FARP1: variants seen among roughly 807,000 people sequenced by gnomAD.
FARP1 encodes FERM, ARHGEF and pleckstrin domain-containing protein 1.
In FARP1, 52 loss-of-function variants were observed where a neutral mutation model predicts 128.8. The ratio of observed to expected loss-of-function variants is 0.40; its 90% CI spans 0.32 to 0.51. The LOEUF is 0.51. Ranked by LOEUF, FARP1 falls within the 20% of genes least tolerant of loss-of-function variation. The pLI is 0.45. For missense variants in FARP1, 1,333 were observed against 1,367.9 expected (o/e 0.97, Z 0.40); for synonymous variants, 580 against 551.8 (o/e 1.05, Z -0.72).
intron 2 of FARP1, among the ~76,000 whole-genome samples, chr13:98,236,763 G>A (rs994045756): frequency 6.6e-6 from 1 of 151,574 alleles, no homozygotes; most frequent in Admixed American, 6.6e-5. Flanking sequence ...GCCAAGGCAG[G>A]TGGGTCACGA....
chr13:98,187,975 A>G (rs1474866741), intron 1 of FARP1, among the ~76,000 whole-genome samples: 5 of 152,218 alleles, frequency 3.3e-5, no homozygotes, highest in Non-Finnish European at 5.9e-5. Flanking sequence ...AAAGAAAATG[A>G]AAGTCCTGAG....
intron 1 of FARP1, among the ~76,000 whole-genome samples, chr13:98,155,469 A>T (rs1274121247): frequency 6.6e-6 from 1 of 151,886 alleles, no homozygotes; most frequent in African/African-American, 2.4e-5. Flanking sequence ...TCCCAGAGTG[A>T]GTGAACCATG....
chr13:98,380,119 CTA>C (rs1889834585), intron 6 of FARP1, among the ~76,000 whole-genome samples: 2 of 152,092 alleles, frequency 1.3e-5, no homozygotes, highest in African/African-American at 4.8e-5. Context: ...TTCTTTCCTC[CTA>C]TGTTTTTTTC....
chr13:98,448,741 T>A lies in FARP1; in HGVS notation c.*424T>A, dbSNP rs1228001621. On this transcript the variant is annotated 3_prime_UTR_variant, in exon 27 of 27. Transcript: ENST00000319562. The stretch of plus-strand genomic sequence containing the variant: ...TTTTACGAAGTGGACTTCCCGGTGT[T>A]TGTTTGTTTGTTTGCAATACACTCA... 1 of 31,502 alleles carries A rather than the reference T, an allele frequency of 3.2e-5. No homozygotes were observed. The highest frequency in any genetic ancestry group is 1.3e-3 in the East Asian group (1 of 768). The allele number at this position is 31,502 out of a possible 1,614,324, so 2.0% of individuals were successfully genotyped here.
intron 1 of FARP1, among the ~76,000 whole-genome samples, chr13:98,171,181 T>C (rs990730231): frequency 1.3e-5 from 2 of 152,174 alleles, no homozygotes; most frequent in African/African-American, 4.8e-5. Context: ...CGTGCCTCAT[T>C]TTCAGCCCTG....
intron 1 of FARP1, among the ~76,000 whole-genome samples, chr13:98,143,820 C>T (rs1271949931): frequency 3.3e-5 from 5 of 151,838 alleles, no homozygotes; most frequent in Admixed American, 2.6e-4. Flanking sequence ...CGCCCTTCCC[C>T]CGTTTCCTTC....
chr13:98,440,595 C>T, intron 23 of FARP1, 75 bp from the exon 24 acceptor site: 1 of 1,486,026 alleles, frequency 6.7e-7, no homozygotes, highest in Non-Finnish European at 9.1e-7. Context: ...CCCAACCTTC[C>T]AGCACCTCAG....
rs59209045 is a variant in FARP1 at position 98,232,145 on chromosome 13, G to GTTTTT, written c.171+18749_171+18753dup. On this transcript the variant is annotated intron_variant, in intron 2 of 26. Transcript: ENST00000319562. ...GTGCCCGGCTTTTTTTGTTTGGTTGGTTTTTTTTTTTTTTTTTTTTTGCTT... is the reference window on the plus strand; with the variant it reads ...GTGCCCGGCTTTTTTTGTTTGGTTGGTTTTTTTTTTTTTTTTTTTTTTTTTTGCTT... Among the ~76,000 whole-genome samples the GTTTTT allele has an allele frequency of 8.1e-4, 86 of 105,728 alleles. 1 individual carries two copies. The highest frequency in any genetic ancestry group is 5.8e-3 in the Middle Eastern group (1 of 172). 69.4% of individuals were successfully genotyped at this position (105,728 alleles called of 152,430 possible).
chr13:98,143,595 C>A (rs1267094869), intron 1 of FARP1, 103 bp downstream of exon 1: 1 of 150,638 alleles, frequency 6.6e-6, no homozygotes, highest in Non-Finnish European at 1.5e-5. Context: ...CCGCAGCGCA[C>A]GGCCGCGGCT....
chr13:98,194,357 T>TC (rs1164273876), intron 1 of FARP1, among the ~76,000 whole-genome samples: 1 of 152,214 alleles, frequency 6.6e-6, no homozygotes, highest in Non-Finnish European at 1.5e-5. Flanking sequence ...CCTCAGGTGA[T>TC]CCACCCGCCT....
rs561429201 is a variant in FARP1, at chr13:98,371,946, A to G, written c.398+3751A>G. Among the ~76,000 whole-genome samples, 8 of 152,264 alleles carry G rather than the reference A, an allele frequency of 5.3e-5. 1 individual carries two copies. Among genetic ancestry groups the G allele is most frequent in the East Asian group, 1.9e-4 (1 of 5,182 alleles). ...TAAACAAGAAGCTGGATTCCTTTCTATTTATTGAACTGCAGGTGGAATGCC... is the reference window on the plus strand; with the variant it reads ...TAAACAAGAAGCTGGATTCCTTTCTGTTTATTGAACTGCAGGTGGAATGCC... On this transcript the variant is annotated intron_variant, in intron 5 of 26. Coordinates refer to ENST00000319562, the MANE Select transcript of FARP1 (RefSeq NM_005766.4).
chr13:98,397,432 A>C (rs1890591142), intron 13 of FARP1: 1 of 152,214 alleles, frequency 6.6e-6, no homozygotes, highest in South Asian at 2.1e-4. Context: ...ACTCTGGTGA[A>C]CAGTGTCCTC....
At chr13:98,174,166 C>T (rs781662563) in intron 1 of FARP1, among the ~76,000 whole-genome samples, 4 of 152,182 alleles carry the variant, frequency 2.6e-5, no homozygotes, top group South Asian at 2.1e-4. Flanking sequence ...TTGCCAAATT[C>T]GGCAACGCTT....
intron 13 of FARP1, among the ~76,000 whole-genome samples, chr13:98,407,898 A>G (rs1891041744): frequency 6.6e-6 from 1 of 152,190 alleles, no homozygotes; most frequent in Non-Finnish European, 1.5e-5. Context: ...AGGCTGTTGT[A>G]TCTTGTAATT....
intron 2 of FARP1, among the ~76,000 whole-genome samples, chr13:98,312,570 G>T (rs551567245): frequency 1.2e-4 from 19 of 152,110 alleles, no homozygotes; most frequent in Non-Finnish European, 2.1e-4. Context: ...GATGATACAA[G>T]AAATTCATAA....
At chr13:98,266,354 G>A (rs1366131553) in intron 2 of FARP1, among the ~76,000 whole-genome samples, 1 of 152,192 alleles carries the variant, frequency 6.6e-6, no homozygotes, top group Non-Finnish European at 1.5e-5. Context: ...TACTAGCTGT[G>A]TGGTCTTGGG....
At chr13:98,438,982 G>A in intron 20 of FARP1, 110 bp downstream of exon 20, 1 of 1,406,892 alleles carries the variant, frequency 7.1e-7, no homozygotes, top group South Asian at 1.2e-5. Context: ...TAGAGGAAGA[G>A]CAGCCAGAGG....
chr13:98,237,723 T>C (rs971233712), intron 2 of FARP1, among the ~76,000 whole-genome samples: 3 of 152,236 alleles, frequency 2.0e-5, no homozygotes, highest in Non-Finnish European at 4.4e-5. Context: ...AAAAGTCATG[T>C]CATTACAAGA....
At chr13:98,188,806 G>C (rs552577567) in intron 1 of FARP1, among the ~76,000 whole-genome samples, 1 of 152,048 alleles carries the variant, frequency 6.6e-6, no homozygotes, top group African/African-American at 2.4e-5. Context: ...AGAAGTGTTC[G>C]GGGGGTGAAA....
Sources: gnomAD v4.1 joint callset for allele counts (sites outside exome capture counted in the v4.1 genomes callset) on GRCh38, gnomAD v4.1.1 for gene constraint, MANE v1.5 for transcripts, NCBI Gene and HGNC (gene_info 2026-07-23, HGNC 2026-07-21) for gene names.